DSE: variants seen among roughly 807,000 people sequenced by gnomAD.
DSE encodes dermatan sulfate epimerase, also known as dermatan-sulfate epimerase.
In DSE, 36 loss-of-function variants were observed where a neutral mutation model predicts 84.4. The ratio of observed to expected loss-of-function variants is 0.43; its 90% CI spans 0.33 to 0.56. The LOEUF (loss-of-function observed/expected upper bound fraction) is 0.56, where lower values mean the gene tolerates loss of function less well. Ranked by LOEUF, DSE falls within the 20% of genes least tolerant of loss-of-function variation. The pLI, the probability that DSE is intolerant of heterozygous loss-of-function variation, is 0.06. For synonymous variants in DSE, 410 were observed against 430.1 expected (o/e 0.95, Z 0.58); for missense variants, 862 against 1,169.6 (o/e 0.74, Z 3.84).
rs1316444213 is a variant in DSE at position 116,436,091 on chromosome 6, T to C, written c.1623T>C (p.Gly541=). The change falls in exon 6 of 6, where the codon GGT becomes GGC. Residue 541 remains glycine (G), a synonymous_variant. Coordinates refer to ENST00000644252, the MANE Select transcript of DSE (RefSeq NM_013352.4). The stretch of plus-strand genomic sequence containing the variant: ...GGGTGGTTTTCATCCGAGGAGAAGG[T>C]GTGGGAGCTTATAACCCCCAGCTCA... ...KNGVVFIRGE[G]VGAYNPQLNL... is the part of the protein sequence containing the mutation. The C allele has an allele frequency of 2.5e-6, 4 of 1,613,174 alleles. No individual in the cohort carries two copies. The highest frequency in any genetic ancestry group is 3.4e-6 in the Non-Finnish European group (4 of 1,179,956).
intron 3 of DSE, among the ~76,000 whole-genome samples, chr6:116,430,335 A>G (rs1783742876): frequency 6.6e-6 from 1 of 152,250 alleles, no homozygotes; most frequent in African/African-American, 2.4e-5. Flanking sequence ...CTATAAAATA[A>G]TGATGCAAGT....
chr6:116,319,458 C>G (rs1310102455), intron 2 of DSE, among the ~76,000 whole-genome samples: 1 of 152,234 alleles, frequency 6.6e-6, no homozygotes. Flanking sequence ...GAATCTAACA[C>G]TGGCCCTTGA....
intron 2 of DSE, among the ~76,000 whole-genome samples, chr6:116,310,096 C>G (rs1775597240): frequency 6.6e-6 from 1 of 152,314 alleles, no homozygotes; most frequent in East Asian, 1.9e-4. Context: ...TTAATCCCTA[C>G]AAATTCTTAC....
At chr6:116,416,713 C>G (rs1002451933) in intron 2 of DSE, among the ~76,000 whole-genome samples, 2 of 151,862 alleles carry the variant, frequency 1.3e-5, no homozygotes, top group Non-Finnish European at 2.9e-5. Flanking sequence ...GCTATTCTTG[C>G]ATGTTTATTT....
exon 2 of DSE, chr6:116,258,735 G>A (rs1329413655): frequency 6.2e-7 from 1 of 1,608,478 alleles, no homozygotes; most frequent in African/African-American, 1.3e-5. Context: ...CGCACCCAAT[G>A]CGTGTGGAGT....
chr6:116,331,337 A>G (rs764171508), intron 2 of DSE, among the ~76,000 whole-genome samples: 3 of 152,326 alleles, frequency 2.0e-5, no homozygotes, highest in East Asian at 3.9e-4. Flanking sequence ...GAAACTTACA[A>G]TCATGGTGGA....
intron 2 of DSE, among the ~76,000 whole-genome samples, chr6:116,424,858 G>T (rs1783327339): frequency 6.6e-6 from 1 of 152,192 alleles, no homozygotes; most frequent in Non-Finnish European, 1.5e-5. Context: ...ATCTGGAAGA[G>T]GTAGTCTCTC....
At chr6:116,427,360 T>C (rs916601730) in intron 3 of DSE, among the ~76,000 whole-genome samples, 5 of 152,240 alleles carry the variant, frequency 3.3e-5, no homozygotes, top group Non-Finnish European at 5.9e-5. Flanking sequence ...ATACATTTTC[T>C]TTGTTCTTTT....
chr6:116,399,110 CA>C lies in DSE; in HGVS notation c.-53-87del. The C allele has an allele frequency of 2.9e-6, 3 of 1,039,868 alleles. No individual in the cohort carries two copies. In the South Asian group the frequency reaches 5.0e-5, roughly 17 times the overall value. 64.4% of individuals were successfully genotyped at this position (1,039,868 alleles called of 1,614,324 possible). On this transcript the variant is annotated intron_variant, in intron 1 of 5. Coordinates refer to ENST00000644252, the MANE Select transcript of DSE (RefSeq NM_013352.4). Reference sequence around the variant, plus strand: ...TCTAAATTCATAAGCTTTATTTTCACATATGGTTTCTACCTCTTATATGTTT... The same window carrying C: ...TCTAAATTCATAAGCTTTATTTTCACTATGGTTTCTACCTCTTATATGTTT...
intron 2 of DSE, among the ~76,000 whole-genome samples, chr6:116,332,913 A>G (rs780759579): frequency 6.6e-6 from 1 of 152,224 alleles, no homozygotes; most frequent in Non-Finnish European, 1.5e-5. Context: ...GCCAGCAAGT[A>G]TAAGAAAAGG....
chr6:116,368,565 T>A (rs1031046794), upstream of DSE, among the ~76,000 whole-genome samples: 4 of 152,260 alleles, frequency 2.6e-5, no homozygotes, highest in African/African-American at 9.6e-5. Context: ...AACTAAACTT[T>A]TAACACTTTA....
intron 3 of DSE, among the ~76,000 whole-genome samples, 181 bp from the exon 4 acceptor site, chr6:116,430,773 A>G (rs904205728): frequency 1.0e-5 from 1 of 95,318 alleles, no homozygotes; most frequent in Non-Finnish European, 2.2e-5. Flanking sequence ...CCTAACTTAC[A>G]TCATGGACTG....
intron 2 of DSE, among the ~76,000 whole-genome samples, chr6:116,322,513 C>T (rs1040785449): frequency 1.3e-5 from 2 of 152,052 alleles, no homozygotes; most frequent in African/African-American, 4.8e-5. Flanking sequence ...TTTAGACAAA[C>T]CTTTCCTTCC....
intron 1 of DSE, among the ~76,000 whole-genome samples, chr6:116,396,177 C>G (rs2114986528): frequency 6.6e-6 from 1 of 152,284 alleles, no homozygotes; most frequent in South Asian, 2.1e-4. Flanking sequence ...CAGCATGCTG[C>G]CTTTTAAAAG....
At chr6:116,370,442 GAA>G (rs1432682702), upstream of DSE, 5 of 987,462 alleles carry the variant, frequency 5.1e-6, no homozygotes, top group East Asian at 4.5e-4. Flanking sequence ...GAATTCGAGA[GAA>G]AAGAGGCAGT....
intron 2 of DSE, among the ~76,000 whole-genome samples, chr6:116,356,130 G>A (rs1778557126): frequency 6.6e-6 from 1 of 152,176 alleles, no homozygotes; most frequent in Non-Finnish European, 1.5e-5. Context: ...CTGCACTTCC[G>A]ATTTATCTAG....
chr6:116,381,136 C>A (rs1316906991), intron 1 of DSE, among the ~76,000 whole-genome samples: 1 of 152,090 alleles, frequency 6.6e-6, no homozygotes, highest in Non-Finnish European at 1.5e-5. Context: ...TACATGGGTT[C>A]CCAGGGGAGA....
chr6:116,285,551 T>C (rs1181986061), intron 2 of DSE, among the ~76,000 whole-genome samples: 1 of 152,242 alleles, frequency 6.6e-6, no homozygotes, highest in African/African-American at 2.4e-5. Context: ...AGTTTTGGCT[T>C]TTGTTGCCAT....
chr6:116,279,951 GTCAGGACTGGAGATC>G, intron 2 of DSE: 7 of 1,419,226 alleles, frequency 4.9e-6, no homozygotes, highest in Non-Finnish European at 6.9e-6. Context: ...CGGCGGTGTC[GTCAGGACTGGAGATC>G]TCACGGTATC....
Sources: gnomAD v4.1 joint callset for allele counts (sites outside exome capture counted in the v4.1 genomes callset) on GRCh38, gnomAD v4.1.1 for gene constraint, MANE v1.5 for transcripts, NCBI Gene and HGNC (gene_info 2026-07-23, HGNC 2026-07-21) for gene names.